DNAH6: variants seen among roughly 807,000 people sequenced by gnomAD.
DNAH6 encodes axonemal beta dynein heavy chain 6.
In DNAH6, 340 loss-of-function variants were observed where a neutral mutation model predicts 491.4. The ratio of observed to expected loss-of-function variants is 0.69; its 90% CI spans 0.63 to 0.76. The LOEUF (loss-of-function observed/expected upper bound fraction) is 0.76, where lower values mean the gene tolerates loss of function less well. Ranked by LOEUF, DNAH6 falls within the 30% of genes least tolerant of loss-of-function variation. DNAH6 has a pLI of 0.00. For synonymous variants in DNAH6, 1,603 were observed against 1,686.1 expected, an observed-to-expected ratio of 0.95 and a Z score of 1.21; for missense variants, 4,443 against 4,972.2, an observed-to-expected ratio of 0.89 and a Z score of 3.20.
intron 68 of DNAH6, among the ~76,000 whole-genome samples, chr2:84,791,472 G>A (rs923010194): frequency 4.6e-5 from 7 of 151,888 alleles, no homozygotes; most frequent in Admixed American, 1.3e-4. Context: ...ATTTCCAGAC[G>A]AGTCAAGCCT....
rs1365166337 is a variant in DNAH6, at chr2:84,592,527, G to A, written c.2611-1445G>A. Among the ~76,000 whole-genome samples, 4 of 152,160 alleles carry A rather than the reference G, an allele frequency of 2.6e-5. No homozygotes were observed. In the East Asian group the frequency reaches 7.7e-4, roughly 29 times the overall value. ...AATGGTGCAAACACTATGGAAAACA[G>A]CATGGTGGTTCCTCAAAACTTAAAA... On this transcript the variant is annotated intron_variant, in intron 16 of 76. Coordinates refer to ENST00000389394, the MANE Select transcript of DNAH6 (RefSeq NM_001370.2).
chr2:84,553,058 C>A (rs766291588), intron 10 of DNAH6, 24 bp downstream of exon 10: 1 of 1,340,260 alleles, frequency 7.5e-7, no homozygotes, highest in Non-Finnish European at 1.0e-6. Context: ...ATGTATTATC[C>A]ACATGCAAGC....
intron 29 of DNAH6, among the ~76,000 whole-genome samples, chr2:84,626,947 C>T (rs183702589): frequency 1.4e-4 from 22 of 152,194 alleles, no homozygotes; most frequent in African/African-American, 4.6e-4. Context: ...GTGAATCACC[C>T]GGAGATATTT....
chr2:84,807,470 T>C (rs1679528026), intron 71 of DNAH6, among the ~76,000 whole-genome samples: 1 of 152,186 alleles, frequency 6.6e-6, no homozygotes, highest in South Asian at 2.1e-4. Flanking sequence ...ATGGGCCTGT[T>C]TAATAATGCA....
Position 84,796,398 on chromosome 2 carries a change from G to A in DNAH6, c.11332G>A (p.Glu3778Lys). 1 of 1,528,352 alleles carries A rather than the reference G, an allele frequency of 6.5e-7. No individual in the cohort carries two copies. Among genetic ancestry groups the A allele is most frequent in the Non-Finnish European group, 8.8e-7 (1 of 1,132,258 alleles). 94.7% of individuals were successfully genotyped at this position (1,528,352 alleles called of 1,614,324 possible). A position where few individuals can be genotyped will look rare whatever the true frequency, so the allele number is the denominator to read the frequency against. ...LKRFFSPETL[E>K]EDYKYSESGI... The stretch of plus-strand genomic sequence containing the variant: ...AAGATTTTTTTCTCCTGAAACATTA[G>A]AAGAAGATTATAAATACTCTGAATC... The change falls in exon 69 of 77, where the codon GAA becomes AAA. Residue 3778 changes from glutamate (E) to lysine (K), a missense_variant. By Grantham distance (56) the Glu-to-Lys change is moderately conservative (BLOSUM62 1). Coordinates refer to ENST00000389394, the MANE Select transcript of DNAH6 (RefSeq NM_001370.2).
At chr2:84,772,293 A>G (rs920693618) in intron 64 of DNAH6, among the ~76,000 whole-genome samples, 3 of 152,180 alleles carry the variant, frequency 2.0e-5, no homozygotes, top group African/African-American at 7.2e-5. Context: ...GGAATTGAGG[A>G]ACAACAAGGA....
chr2:84,601,028 T>TAC (rs1247274960), intron 18 of DNAH6, among the ~76,000 whole-genome samples: 14 of 144,100 alleles, frequency 9.7e-5, no homozygotes, highest in African/African-American at 3.2e-4. Flanking sequence ...AATAATAATG[T>TAC]TATTATTATA....
Position 84,679,832 on chromosome 2 carries a change from G to A in DNAH6, c.6745-1525G>A, listed in dbSNP as rs146187529. Among the ~76,000 whole-genome samples, 778 of 152,228 alleles carry A rather than the reference G, an allele frequency of 5.1e-3. 6 individuals carry two copies. Among genetic ancestry groups the A allele is most frequent in the African/African-American group, 0.018 (740 of 41,502 alleles). ...CTGTCCTCATGGATCTTCTTCCATGGACACAGATAATGAAGAGATGAATGA... is the reference window on the plus strand; with the variant it reads ...CTGTCCTCATGGATCTTCTTCCATGAACACAGATAATGAAGAGATGAATGA... On this transcript the variant is annotated intron_variant, in intron 41 of 76. Transcript: ENST00000389394.
chr2:84,460,720 T>C, the DNAH6 span, among the ~76,000 whole-genome samples: 3 of 152,224 alleles, frequency 2.0e-5, no homozygotes, highest in Non-Finnish European at 2.9e-5. Context: ...CAGGCAATGT[T>C]TGATGGACTT....
chr2:84,782,911 A>G (rs1676827807), intron 65 of DNAH6, among the ~76,000 whole-genome samples: 1 of 152,212 alleles, frequency 6.6e-6, no homozygotes, highest in Admixed American at 6.5e-5. Flanking sequence ...AACTAGGACA[A>G]GAACATTTGC....
At chr2:84,487,985 G>GA in the DNAH6 span, among the ~76,000 whole-genome samples, 1 of 151,980 alleles carries the variant, frequency 6.6e-6, no homozygotes, top group African/African-American at 2.4e-5. Flanking sequence ...TTTTAAAAGA[G>GA]ATCCTGTCTT....
chr2:84,581,937 G>T (rs753543841), intron 14 of DNAH6, among the ~76,000 whole-genome samples: 1 of 152,108 alleles, frequency 6.6e-6, no homozygotes, highest in Non-Finnish European at 1.5e-5. Flanking sequence ...TTCATTGTCC[G>T]ATCAGGACAT....
At chr2:84,641,886 A>G (rs1293793243) in intron 32 of DNAH6, 61 bp from the exon 33 acceptor site, 6 of 1,396,552 alleles carry the variant, frequency 4.3e-6, no homozygotes, top group Non-Finnish European at 4.9e-6. Context: ...CCACAGGTTT[A>G]GAAAATCATG....
intron 21 of DNAH6, among the ~76,000 whole-genome samples, chr2:84,610,396 C>T (rs761695439): frequency 5.3e-5 from 8 of 152,148 alleles, no homozygotes; most frequent in Non-Finnish European, 1.2e-4. Flanking sequence ...CACCCACACT[C>T]AAGGGGAGAG....
chr2:84,732,434 G>A (rs978665833), intron 61 of DNAH6, among the ~76,000 whole-genome samples: 2 of 152,120 alleles, frequency 1.3e-5, no homozygotes, highest in Admixed American at 1.3e-4. Flanking sequence ...TTTATACAAT[G>A]GAATATTATT....
At chr2:84,622,203 ATGAC>A (rs1687462736) in intron 26 of DNAH6, among the ~76,000 whole-genome samples, 1 of 152,138 alleles carries the variant, frequency 6.6e-6, no homozygotes, top group Non-Finnish European at 1.5e-5. Flanking sequence ...TTATCCTTCT[ATGAC>A]TGACTCATTT....
intron 63 of DNAH6, among the ~76,000 whole-genome samples, chr2:84,745,623 G>A (rs1173793213): frequency 2.1e-5 from 3 of 146,104 alleles, no homozygotes; most frequent in Admixed American, 1.4e-4. Flanking sequence ...CCGAGATCGC[G>A]CCACTGCACT....
chr2:84,697,059 T>C (rs1695459691), intron 46 of DNAH6, among the ~76,000 whole-genome samples: 1 of 152,176 alleles, frequency 6.6e-6, no homozygotes, highest in Non-Finnish European at 1.5e-5. Flanking sequence ...TAGTAAAATC[T>C]TCAAAATCCA....
At chr2:84,725,382 GTT>G (rs1698531012) in intron 60 of DNAH6, among the ~76,000 whole-genome samples, 1 of 152,168 alleles carries the variant, frequency 6.6e-6, no homozygotes, top group Non-Finnish European at 1.5e-5. Context: ...TCAACAAGAT[GTT>G]CATTTTAGCA....
Sources: gnomAD v4.1 joint callset for allele counts (sites outside exome capture counted in the v4.1 genomes callset) on GRCh38, gnomAD v4.1.1 for gene constraint, MANE v1.5 for transcripts, NCBI Gene and HGNC (gene_info 2026-07-23, HGNC 2026-07-21) for gene names.